The following EXOC2 variants were observed in gnomAD, a reference collection of about 807,000 sequenced individuals.
EXOC2 encodes SEC5-like 1.
EXOC2 carries 70 observed loss-of-function variants against 131.8 expected under a neutral mutation model. The observed-to-expected ratio is 0.53, with a 90% CI of 0.44 to 0.65. EXOC2 has a LOEUF of 0.65. EXOC2 is among the 30% of genes least tolerant of loss of function. The probability of loss-of-function intolerance (pLI) is 0.00; values close to 1 mark genes in which losing one functional copy is unlikely to be tolerated. For synonymous variants in EXOC2, 411 were observed against 398.4 expected (o/e 1.03, Z -0.38); for missense variants, 923 against 1,108.6 (o/e 0.83, Z 2.38).
chr6:614,822 T>A lies in EXOC2; in HGVS notation c.661+2889A>T, dbSNP rs199879073. 2.0e-5 allele frequency among the ~76,000 whole-genome samples: 3 copies of A among 152,164 alleles called. No homozygotes were observed. In the East Asian group the frequency reaches 5.8e-4, roughly 29 times the overall value. On this transcript the variant is annotated intron_variant, in intron 6 of 27. Coordinates refer to ENST00000230449, the MANE Select transcript of EXOC2 (RefSeq NM_018303.6). The stretch of plus-strand genomic sequence containing the variant: ...AGAAACCACATCCGTCCGTCCTTTT[T>A]AATTTTTGGCATACTTACAAAAACT...
chr6:652,054 T>TTA (rs1762858183), intron 1 of EXOC2, among the ~76,000 whole-genome samples: 1 of 125,830 alleles, frequency 7.9e-6, no homozygotes, highest in African/African-American at 3.1e-5. Flanking sequence ...AGATTCCATC[T>TTA]CAAAAAAAAA....
At chr6:520,713 C>G (rs2493021) in intron 23 of EXOC2, among the ~76,000 whole-genome samples, 2 of 32,008 alleles carry the variant, frequency 6.2e-5, no homozygotes, top group Admixed American at 3.1e-4. Context: ...CACTCGGAGA[C>G]GAAAACAACC....
intron 1 of EXOC2, among the ~76,000 whole-genome samples, chr6:660,194 G>A (rs1763360151): frequency 7.2e-6 from 1 of 139,798 alleles, no homozygotes; most frequent in East Asian, 2.2e-4. Flanking sequence ...CAACCCGATG[G>A]TCCTTCCCTA....
chr6:677,711 C>T (rs1185387066), intron 1 of EXOC2, among the ~76,000 whole-genome samples: 2 of 152,170 alleles, frequency 1.3e-5, no homozygotes, highest in Admixed American at 1.3e-4. Context: ...TTGTGATCCG[C>T]TTGCCTCGGC....
intron 1 of EXOC2, among the ~76,000 whole-genome samples, chr6:651,040 T>C (rs1307876012): frequency 1.3e-5 from 2 of 151,830 alleles, no homozygotes; most frequent in African/African-American, 4.8e-5. Context: ...CTTTTTTTTT[T>C]TTTTTTGAGG....
intron 1 of EXOC2, among the ~76,000 whole-genome samples, chr6:658,645 T>TTATATATATATATATATATATATTTTA (rs373868934): frequency 3.2e-4 from 38 of 118,338 alleles, no homozygotes; most frequent in African/African-American, 1.1e-3. Context: ...TATATATATT[T>TTATATATATATATATATATATATTTTA]TATATATATA....
chr6:615,319 G>C (rs770707794), intron 6 of EXOC2, among the ~76,000 whole-genome samples: 1 of 151,980 alleles, frequency 6.6e-6, no homozygotes, highest in Non-Finnish European at 1.5e-5. Context: ...CCCCAGACAC[G>C]AATGCACTCC....
intron 1 of EXOC2, among the ~76,000 whole-genome samples, chr6:674,909 C>T (rs1210869309): frequency 6.6e-6 from 1 of 152,024 alleles, no homozygotes; most frequent in East Asian, 1.9e-4. Flanking sequence ...CCCTACATAC[C>T]CCAGGTGCCA....
At chr6:597,282 T>A (rs1305856615) in intron 10 of EXOC2, among the ~76,000 whole-genome samples, 2 of 152,088 alleles carry the variant, frequency 1.3e-5, no homozygotes, top group African/African-American at 4.8e-5. Flanking sequence ...GTTCAAGCGA[T>A]TCTCCTGCCT....
intron 11 of EXOC2, among the ~76,000 whole-genome samples, chr6:582,472 A>T (rs563628045): frequency 1.3e-5 from 2 of 151,920 alleles, no homozygotes; most frequent in South Asian, 2.1e-4. Context: ...CTTTGAACAC[A>T]TTTTCCTGCG....
intron 11 of EXOC2, among the ~76,000 whole-genome samples, chr6:584,530 G>A (rs1328863389): frequency 6.6e-6 from 1 of 152,198 alleles, no homozygotes; most frequent in Non-Finnish European, 1.5e-5. Context: ...TCTAGTGAGT[G>A]TCAGAAATTA....
intron 1 of EXOC2, among the ~76,000 whole-genome samples, chr6:684,210 G>A (rs749925702): frequency 6.6e-6 from 1 of 152,132 alleles, no homozygotes; most frequent in Non-Finnish European, 1.5e-5. Flanking sequence ...GCAGGAAGAG[G>A]GGGAGGGGAG....
intron 1 of EXOC2, among the ~76,000 whole-genome samples, chr6:648,460 C>T (rs1762679589): frequency 6.6e-6 from 1 of 152,176 alleles, no homozygotes; most frequent in African/African-American, 2.4e-5. Context: ...TTGTCATTGT[C>T]TACAAATTTT....
intron 11 of EXOC2, among the ~76,000 whole-genome samples, chr6:582,157 T>A (rs946254679): frequency 2.0e-5 from 3 of 152,178 alleles, no homozygotes; most frequent in Non-Finnish European, 4.4e-5. Flanking sequence ...ATACCTAGAA[T>A]TCTGTAGGAC....
In EXOC2 at chr6:637,679, G is replaced by A. The variant is rs371641267; in HGVS notation, c.118+22C>T. ...CATAAAAATCCGATTAGCAGGGTGCGTCGCAGGGCCTCTGCCCTTACCTAT... is the reference window on the plus strand; with the variant it reads ...CATAAAAATCCGATTAGCAGGGTGCATCGCAGGGCCTCTGCCCTTACCTAT... On this transcript the variant is annotated intron_variant, in intron 2 of 27. Transcript: ENST00000230449. 82 of 1,572,206 alleles carry A rather than the reference G, an allele frequency of 5.2e-5. 1 individual carries two copies. Among genetic ancestry groups the A allele is most frequent in the South Asian group, 6.9e-5 (6 of 86,410 alleles).
At chr6:649,319 T>C (rs1170546436) in intron 1 of EXOC2, among the ~76,000 whole-genome samples, 1 of 152,220 alleles carries the variant, frequency 6.6e-6, no homozygotes, top group Non-Finnish European at 1.5e-5. Context: ...ACAAGAAAAC[T>C]AATAATATAC....
chr6:588,336 G>A (rs1150830), intron 11 of EXOC2, among the ~76,000 whole-genome samples: 14,091 of 152,222 alleles, frequency 0.093, 1,121 homozygotes, highest in African/African-American at 0.22. Flanking sequence ...TCAAAGAGTT[G>A]TAAGGAATTG....
chr6:630,444 C>T (rs570559664), intron 3 of EXOC2, among the ~76,000 whole-genome samples: 12 of 152,204 alleles, frequency 7.9e-5, no homozygotes, highest in Middle Eastern at 3.4e-3. Flanking sequence ...ACAAAACATT[C>T]GAGTAAAATG....
In EXOC2 at chr6:684,428, G is replaced by A. The variant is rs1174168804; in HGVS notation, c.-44+8591C>T. 2.0e-5 allele frequency among the ~76,000 whole-genome samples: 3 copies of A among 152,092 alleles called. No homozygotes were observed. In the East Asian group the frequency reaches 5.8e-4, roughly 29 times the overall value. On this transcript the variant is annotated intron_variant, in intron 1 of 27. Transcript: ENST00000230449. ...TCAATTAACCTCCTATCCATCACAG[G>A]TCAAAAGAGAAAATTACTATTACAA... is the stretch of plus-strand genomic sequence containing the variant.
Sources: gnomAD v4.1 joint callset for allele counts (sites outside exome capture counted in the v4.1 genomes callset) on GRCh38, gnomAD v4.1.1 for gene constraint, MANE v1.5 for transcripts, NCBI Gene and HGNC (gene_info 2026-07-23, HGNC 2026-07-21) for gene names.